The following DNAH2 variants were observed in gnomAD, a reference collection of about 807,000 sequenced individuals.
The protein encoded by DNAH2 is dynein axonemal heavy chain 2, also known as axonemal beta dynein heavy chain 2.
A neutral mutation model predicts 523.5 loss-of-function variants in DNAH2; 323 were observed. That is an observed-to-expected ratio of 0.62 (90% confidence interval 0.56 to 0.68). The LOEUF (loss-of-function observed/expected upper bound fraction) is 0.68, where lower values mean the gene tolerates loss of function less well. Ranked by LOEUF, DNAH2 falls within the 30% of genes least tolerant of loss-of-function variation. The pLI, the probability that DNAH2 is intolerant of heterozygous loss-of-function variation, is 0.00. For missense variants in DNAH2, 4,907 were observed against 5,701.5 expected (o/e 0.86, Z 4.49); for synonymous variants, 2,093 against 2,177.4 (o/e 0.96, Z 1.08).
At chr17:7,765,663 A>T in intron 21 of DNAH2, 98 bp downstream of exon 21, 5 of 1,367,082 alleles carry the variant, frequency 3.7e-6, no homozygotes, top group African/African-American at 2.9e-5. Flanking sequence ...GGAGGGGAGG[A>T]GGAGGGTCGG....
intron 63 of DNAH2, among the ~76,000 whole-genome samples, chr17:7,813,907 C>CAA (rs371725781): frequency 7.6e-5 from 8 of 105,802 alleles, no homozygotes; most frequent in African/African-American, 2.4e-4. Context: ...GACTCTGTCT[C>CAA]AAAAAAAAAA....
At chr17:7,824,372 A>G in intron 76 of DNAH2, 68 bp downstream of exon 76, 1 of 1,476,078 alleles carries the variant, frequency 6.8e-7, no homozygotes, top group Non-Finnish European at 9.0e-7. Flanking sequence ...CTCCAACCTC[A>G]ATTACACTAC....
intron 1 of DNAH2, among the ~76,000 whole-genome samples, chr17:7,719,154 G>A (rs2074516605): frequency 7.0e-6 from 1 of 142,950 alleles, no homozygotes; most frequent in Non-Finnish European, 1.5e-5. Context: ...TTGAGATAGA[G>A]TCTCACTCTG....
At chr17:7,732,188 G>A (rs1297366768) in intron 4 of DNAH2, among the ~76,000 whole-genome samples, 3 of 149,840 alleles carry the variant, frequency 2.0e-5, no homozygotes, top group Admixed American at 6.7e-5. Flanking sequence ...TAATCCCAGC[G>A]CTTTGGGAGG....
chr17:7,780,169 G>A lies in DNAH2; in HGVS notation c.5735G>A (p.Arg1912His), dbSNP rs147216751. The A allele has an allele frequency of 3.7e-5, 60 of 1,612,962 alleles. No individual in the cohort carries two copies. The highest frequency in any genetic ancestry group is 5.3e-5 in the African/African-American group (4 of 74,848). Residue 1912 changes from arginine to histidine, a missense_variant, in exon 37 of 86, where the codon CGC (arginine) becomes CAC (histidine). Arg to His is a conservative substitution (Grantham distance 29). Coordinates refer to ENST00000572933, the MANE Select transcript of DNAH2 (RefSeq NM_020877.5). The surrounding 1 kb of genome is among the most constrained non-coding windows in gnomAD (Gnocchi z 4.4). ...FITMNPGYAG[R>H]TELPENLKSM... is the part of the protein sequence containing the mutation. The stretch of plus-strand genomic sequence containing the variant: ...CATTGTTTTCCAGGCTATGCTGGCC[G>A]CACAGAGCTTCCCGAAAATCTTAAA...
intron 4 of DNAH2, among the ~76,000 whole-genome samples, chr17:7,729,574 G>A (rs1181390992): frequency 1.3e-5 from 2 of 152,114 alleles, no homozygotes; most frequent in Non-Finnish European, 2.9e-5. Flanking sequence ...GGGATTACAG[G>A]CATGTACCAC....
chr17:7,778,245 A>G (rs760343220), intron 34 of DNAH2, 35 bp from the exon 35 acceptor site: 12 of 1,613,966 alleles, frequency 7.4e-6, no homozygotes, highest in Non-Finnish European at 1.0e-5. Context: ...AGAGGCTTCC[A>G]GGAGTCTGAC....
In DNAH2 at chr17:7,771,329, G is replaced by A. The variant is rs1428452428; in HGVS notation, c.4363-1G>A. The A allele has an allele frequency of 1.2e-6, 2 of 1,614,064 alleles. No individual in the cohort carries two copies. Among genetic ancestry groups the A allele is most frequent in the South Asian group, 2.2e-5 (2 of 91,076 alleles). On this transcript the variant is annotated splice_acceptor_variant, in intron 27 of 85. Coordinates refer to ENST00000572933, the MANE Select transcript of DNAH2 (RefSeq NM_020877.5). LOFTEE classifies it high-confidence loss of function. Reference sequence around the variant, plus strand: ...CTCACCCCAACTTTTGGCCCCCTCAGAATATCTTCCTAGGAGAAGACATCC... The same window carrying A: ...CTCACCCCAACTTTTGGCCCCCTCAAAATATCTTCCTAGGAGAAGACATCC...
At position 7,786,905 on chromosome 17, in the gene DNAH2, C is replaced by G. The variant is rs377366538; in HGVS notation, c.6475C>G (p.Pro2159Ala). ...ACCCACCATCTACTCAGATGAGAAA[C>G]CCGACGAGAAGTGGATCCTGTTCGA... The part of the protein sequence containing the change: ...VMRTACADEK[P>A]DEKWILFDGP... Residue 2159 changes from proline to alanine, a missense_variant, in exon 42 of 86, where the codon CCC becomes GCC. Around this residue, in one of 3 missense-constraint regions of DNAH2, gnomAD observed 2,806 missense variants for 3,190.8 expected, o/e 0.88. Coordinates refer to ENST00000572933, the MANE Select transcript of DNAH2 (RefSeq NM_020877.5). The surrounding 1 kb of genome is among the most constrained non-coding windows in gnomAD (Gnocchi z 7.5). The G allele has an allele frequency of 6.2e-7, 1 of 1,614,234 alleles. No homozygotes were observed. The highest frequency in any genetic ancestry group is 8.5e-7 in the Non-Finnish European group (1 of 1,180,044).
intron 42 of DNAH2, 107 bp downstream of exon 42, chr17:7,787,140 G>A: frequency 7.1e-7 from 1 of 1,412,840 alleles, no homozygotes; most frequent in Non-Finnish European, 9.5e-7. Flanking sequence ...CAGGTTCTGT[G>A]GGAGAGAGCT....
chr17:7,733,027 G>C, intron 4 of DNAH2, 60 bp from the exon 5 acceptor site: 1 of 1,570,320 alleles, frequency 6.4e-7, no homozygotes, highest in Non-Finnish European at 8.7e-7. Context: ...CCGGGCTTTT[G>C]TGACTGGGTG....
At chr17:7,762,548 A>G (rs936093070) in intron 18 of DNAH2, among the ~76,000 whole-genome samples, 2 of 151,840 alleles carry the variant, frequency 1.3e-5, no homozygotes, top group African/African-American at 2.4e-5. Flanking sequence ...GTTAGCCAGG[A>G]TGGTCTCAAT....
Position 7,805,253 on chromosome 17 carries a change from C to T in DNAH2, c.9302C>T (p.Ala3101Val), listed in dbSNP as rs2151300112. Residue 3101 changes from alanine to valine, a missense_variant and splice_region_variant, in exon 61 of 86, where the codon GCC becomes GTC. By Grantham distance (64) the Ala-to-Val change is moderately conservative (BLOSUM62 0). Coordinates refer to ENST00000572933, the MANE Select transcript of DNAH2 (RefSeq NM_020877.5). ...ALPALEEAMR[A>V]LESLNKKDIG... Reference sequence around the variant, plus strand: ...TCACTTTATCCCCTTTTCCCCCAGGCCCTGGAGTCTCTGAACAAGAAGGAT... The same window carrying T: ...TCACTTTATCCCCTTTTCCCCCAGGTCCTGGAGTCTCTGAACAAGAAGGAT... 1 of 1,614,194 alleles carries T rather than the reference C, an allele frequency of 6.2e-7. No individual in the cohort carries two copies. The highest frequency in any genetic ancestry group is 2.2e-5 in the East Asian group (1 of 44,878).
chr17:7,754,960 G>A lies in DNAH2; in HGVS notation c.1905-2131G>A, dbSNP rs1161275639. On this transcript the variant is annotated intron_variant, in intron 12 of 85. Coordinates refer to ENST00000572933, the MANE Select transcript of DNAH2 (RefSeq NM_020877.5). This position sits in a 1 kb window ranked among gnomAD's most constrained non-coding sequence, Gnocchi z 4.6. ...CTGCGCTATTGGTACAAATAAGCCT[G>A]AGGCAGAAAAAAAAAAAAAAAGAAT... The A allele has an allele frequency of 8.2e-6, 3 of 363,822 alleles. No individual in the cohort carries two copies. Among genetic ancestry groups the A allele is most frequent in the Admixed American group, 4.4e-5 (1 of 22,790 alleles). The allele number at this position is 363,822 out of a possible 1,614,324, so 22.5% of individuals were successfully genotyped here.
chr17:7,741,247 T>TC (rs2075313803), intron 11 of DNAH2, among the ~76,000 whole-genome samples: 2 of 34,806 alleles, frequency 5.7e-5, no homozygotes, highest in Non-Finnish European at 1.0e-4. Flanking sequence ...TCTTTCTTTC[T>TC]TTCTTTCTTT....
At chr17:7,722,975 T>A (rs2074666972) in intron 2 of DNAH2, among the ~76,000 whole-genome samples, 2 of 141,680 alleles carry the variant, frequency 1.4e-5, no homozygotes. Context: ...TTTTTTTTTT[T>A]TTTTTTTTTT....
At position 7,791,900 on chromosome 17, in the gene DNAH2, T is replaced by C. The variant is rs199509671; in HGVS notation, c.6901-17T>C. The C allele has an allele frequency of 2.1e-4, 340 of 1,610,668 alleles. No homozygotes were observed. Among genetic ancestry groups the C allele is most frequent in the Non-Finnish European group, 2.6e-4 (310 of 1,178,366 alleles). On this transcript the variant is annotated splice_polypyrimidine_tract_variant and intron_variant, in intron 44 of 85. Transcript: ENST00000572933. ...CTCTTACAGGTGGGTTATTTCCTCT[T>C]CTCGTTCTCCATCCAGGTGAACCCA...
At chr17:7,750,365 GC>G (rs2075650258) in intron 12 of DNAH2, among the ~76,000 whole-genome samples, 1 of 152,080 alleles carries the variant, frequency 6.6e-6, no homozygotes, top group Non-Finnish European at 1.5e-5. Context: ...TGTTTTCAAG[GC>G]CTGTTACAAA....
At chr17:7,750,675 T>C (rs1053245860) in intron 12 of DNAH2, among the ~76,000 whole-genome samples, 2 of 152,340 alleles carry the variant, frequency 1.3e-5, no homozygotes, top group Admixed American at 6.5e-5. Context: ...TGGTGATTCA[T>C]TGCTCATTTA....
Sources: gnomAD v4.1 joint callset for allele counts (sites outside exome capture counted in the v4.1 genomes callset) on GRCh38, gnomAD v4.1.1 for gene constraint, gnomAD v4.1.1 regional missense constraint, Gnocchi (gnomAD v3.1) non-coding constraint, MANE v1.5 for transcripts, NCBI Gene and HGNC (gene_info 2026-07-23, HGNC 2026-07-21) for gene names.